The following TSHZ2 variants were observed in gnomAD, a reference collection of about 807,000 sequenced individuals.
TSHZ2 encodes the protein teashirt homolog 2.
In TSHZ2, 21 loss-of-function variants were observed where a neutral mutation model predicts 74.4. The ratio of observed to expected loss-of-function variants is 0.28; its 90% CI spans 0.20 to 0.41. The LOEUF (loss-of-function observed/expected upper bound fraction) is 0.41, where lower values mean the gene tolerates loss of function less well. Among genes scored for constraint, TSHZ2 ranks in the 10% least tolerant of loss-of-function variants. The pLI is 1.00. For missense variants in TSHZ2, 1,244 were observed against 1,293.5 expected, an observed-to-expected ratio of 0.96 and a Z score of 0.59; for synonymous variants, 540 against 515.3, an observed-to-expected ratio of 1.05 and a Z score of -0.65.
At chr20:53,120,492 G>A (rs761143364) in intron 1 of TSHZ2, among the ~76,000 whole-genome samples, 7 of 152,086 alleles carry the variant, frequency 4.6e-5, no homozygotes, top group Non-Finnish European at 8.8e-5. Context: ...GCATTCTGGA[G>A]ACTGACAAAC....
chr20:53,000,597 A>G (rs1324123748), intron 1 of TSHZ2, among the ~76,000 whole-genome samples: 2 of 152,226 alleles, frequency 1.3e-5, no homozygotes, highest in East Asian at 3.8e-4. Flanking sequence ...TACAGGCAGT[A>G]TGGAGATAAA....
At chr20:53,018,008 C>T (rs1983104398) in intron 1 of TSHZ2, among the ~76,000 whole-genome samples, 2 of 152,140 alleles carry the variant, frequency 1.3e-5, no homozygotes, top group South Asian at 2.1e-4. Context: ...AGACGAACAT[C>T]GCATCAATAG....
At chr20:53,171,335 C>T (rs1988195749) in intron 1 of TSHZ2, among the ~76,000 whole-genome samples, 1 of 152,198 alleles carries the variant, frequency 6.6e-6, no homozygotes, top group Non-Finnish European at 1.5e-5. Flanking sequence ...CATTTTAAAT[C>T]GCACATTTCA....
At chr20:53,153,757 A>G (rs1368729710) in intron 1 of TSHZ2, among the ~76,000 whole-genome samples, 3 of 152,108 alleles carry the variant, frequency 2.0e-5, no homozygotes, top group Admixed American at 6.5e-5. Flanking sequence ...GCATTAAAAA[A>G]CCATTCCAAA....
At chr20:53,290,723 G>A (rs1991263104) in intron 2 of TSHZ2, among the ~76,000 whole-genome samples, 1 of 152,198 alleles carries the variant, frequency 6.6e-6, no homozygotes, top group African/African-American at 2.4e-5. Flanking sequence ...TTTGTCCAAA[G>A]TGACAAGGCT....
intron 1 of TSHZ2, among the ~76,000 whole-genome samples, chr20:53,072,834 T>C (rs115811893): frequency 6.6e-6 from 1 of 152,166 alleles, no homozygotes; most frequent in African/African-American, 2.4e-5. Context: ...GGATCAACCA[T>C]TAGCCTTGAA....
chr20:53,342,460 G>C (rs1225371843), intron 2 of TSHZ2, among the ~76,000 whole-genome samples: 1 of 152,152 alleles, frequency 6.6e-6, no homozygotes, highest in Non-Finnish European at 1.5e-5. Flanking sequence ...GGTATAACCA[G>C]TAAAGGGTTG....
intron 2 of TSHZ2, among the ~76,000 whole-genome samples, chr20:53,355,608 G>A (rs762125639): frequency 1.2e-4 from 19 of 152,180 alleles, no homozygotes; most frequent in Non-Finnish European, 2.5e-4. Context: ...CTAGGAGTGG[G>A]AATGAAGAGT....
chr20:53,006,028 C>A (rs145478784), intron 1 of TSHZ2, among the ~76,000 whole-genome samples: 218 of 152,274 alleles, frequency 1.4e-3, no homozygotes, highest in African/African-American at 4.5e-3. Context: ...GACACACACA[C>A]GTACATGTGT....
chr20:53,194,451 T>C (rs1028435986), intron 1 of TSHZ2, among the ~76,000 whole-genome samples: 16 of 152,274 alleles, frequency 1.1e-4, no homozygotes, highest in Admixed American at 2.0e-4. Context: ...CCTTTATCTT[T>C]GTCAGTGATT....
At chr20:53,316,911 TA>T (rs1269155102) in intron 2 of TSHZ2, among the ~76,000 whole-genome samples, 1 of 152,186 alleles carries the variant, frequency 6.6e-6, no homozygotes, top group Non-Finnish European at 1.5e-5. Flanking sequence ...TGGTTTCTTT[TA>T]TTTTTTTTTA....
chr20:53,424,558 TC>T (rs1983592631), intron 2 of TSHZ2, among the ~76,000 whole-genome samples: 1 of 145,768 alleles, frequency 6.9e-6, no homozygotes, highest in African/African-American at 2.4e-5. Context: ...TTGACCAACC[TC>T]TTTTTTTTTT....
chr20:53,370,578 T>G (rs1246014304), intron 2 of TSHZ2, among the ~76,000 whole-genome samples: 1 of 151,948 alleles, frequency 6.6e-6, no homozygotes, highest in Non-Finnish European at 1.5e-5. Flanking sequence ...CTGGGCAACA[T>G]AGCAAGACCC....
chr20:53,012,635 C>A (rs891585708), intron 1 of TSHZ2, among the ~76,000 whole-genome samples: 6 of 152,030 alleles, frequency 3.9e-5, no homozygotes, highest in African/African-American at 1.5e-4. Flanking sequence ...TTCAACAGGC[C>A]CCCTTTACAG....
intron 2 of TSHZ2, among the ~76,000 whole-genome samples, chr20:53,304,128 T>C (rs1032788391): frequency 6.6e-6 from 1 of 151,434 alleles, no homozygotes; most frequent in Non-Finnish European, 1.5e-5. Context: ...CATGCTGGTG[T>C]GCTGCACCCA....
At chr20:53,177,398 T>G (rs1324277739) in intron 1 of TSHZ2, among the ~76,000 whole-genome samples, 1 of 152,226 alleles carries the variant, frequency 6.6e-6, no homozygotes, top group Non-Finnish European at 1.5e-5. Context: ...ATGAATCTAC[T>G]GGGGATCTCA....
At chr20:53,136,263 C>T (rs1253227995) in intron 1 of TSHZ2, among the ~76,000 whole-genome samples, 6 of 152,206 alleles carry the variant, frequency 3.9e-5, no homozygotes, top group Non-Finnish European at 2.9e-5. Flanking sequence ...ACCTCTTCAA[C>T]GCCCTACCTC....
chr20:53,249,275 T>A (rs1990270895), intron 1 of TSHZ2, among the ~76,000 whole-genome samples: 1 of 152,224 alleles, frequency 6.6e-6, no homozygotes, highest in Admixed American at 6.5e-5. Context: ...AGCCAAAGTT[T>A]GCAGCTGGAA....
intron 1 of TSHZ2, among the ~76,000 whole-genome samples, chr20:53,092,437 A>G (rs1438830501): frequency 2.0e-5 from 3 of 152,176 alleles, no homozygotes; most frequent in African/African-American, 7.2e-5. Flanking sequence ...CTGTTTGACA[A>G]AGAAGCTGTG....
Sources: allele counts gnomAD v4.1 joint callset (sites outside exome capture counted in the v4.1 genomes callset), GRCh38; gene constraint gnomAD v4.1.1; transcripts MANE v1.5; gene names NCBI Gene and HGNC (gene_info 2026-07-23, HGNC 2026-07-21).